FER1L6: variants seen among roughly 807,000 people sequenced by gnomAD.
The protein encoded by FER1L6 is fer-1-like protein 6.
Under a neutral mutation model 219.2 loss-of-function variants are expected in FER1L6, and 177 were observed. The ratio of observed to expected loss-of-function variants is 0.81; its 90% confidence interval spans 0.71 to 0.91. The LOEUF (loss-of-function observed/expected upper bound fraction) is 0.91. FER1L6 is among the 40% of genes least tolerant of loss of function. The probability of loss-of-function intolerance (pLI) is 0.00; values close to 1 mark genes in which losing one functional copy is unlikely to be tolerated. For synonymous variants in FER1L6, 768 were observed against 824.3 expected (o/e 0.93, Z 1.17); for missense variants, 2,153 against 2,259.9 (o/e 0.95, Z 0.96).
chr8:123,972,675 AG>A (rs1341080147), intron 6 of FER1L6, among the ~76,000 whole-genome samples: 4 of 152,196 alleles, frequency 2.6e-5, no homozygotes, highest in African/African-American at 9.7e-5. Context: ...GGAACCATAG[AG>A]GGGGACTTGC....
chr8:124,023,813 A>G (rs754112688), intron 18 of FER1L6, among the ~76,000 whole-genome samples: 13 of 151,946 alleles, frequency 8.6e-5, no homozygotes, highest in Non-Finnish European at 1.8e-4. Context: ...ACATCACCAG[A>G]CACACATAAG....
intron 1 of FER1L6, among the ~76,000 whole-genome samples, chr8:123,898,382 G>A (rs1265163501): frequency 7.9e-5 from 12 of 151,716 alleles, no homozygotes; most frequent in Admixed American, 2.0e-4. Context: ...TGGTGCATCC[G>A]TCACCCAAGC....
chr8:124,053,137 C>G (rs1012707780), intron 22 of FER1L6, among the ~76,000 whole-genome samples: 1 of 152,166 alleles, frequency 6.6e-6, no homozygotes, highest in African/African-American at 2.4e-5. Context: ...AATAAGTGCT[C>G]TGGGTCTGAG....
At chr8:123,856,933 G>A (rs1232984352) in intron 1 of FER1L6, among the ~76,000 whole-genome samples, 1 of 152,084 alleles carries the variant, frequency 6.6e-6, no homozygotes, top group Non-Finnish European at 1.5e-5. Context: ...GCTGATGTTG[G>A]TAACTGCTCA....
At chr8:124,074,272 T>C (rs1821189895) in intron 31 of FER1L6, among the ~76,000 whole-genome samples, 1 of 152,210 alleles carries the variant, frequency 6.6e-6, no homozygotes, top group Non-Finnish European at 1.5e-5. Context: ...CAGAGACCAT[T>C]AGTTCTGGGA....
At chr8:123,909,949 T>TA (rs1427739840) in intron 1 of FER1L6, among the ~76,000 whole-genome samples, 2 of 152,144 alleles carry the variant, frequency 1.3e-5, no homozygotes, top group Non-Finnish European at 2.9e-5. Flanking sequence ...TATGGAGTCA[T>TA]AAAAAATTAT....
chr8:124,119,578 T>C (rs77896762), intron 40 of FER1L6, 29 bp from the exon 41 acceptor site: 30 of 1,483,844 alleles, frequency 2.0e-5, no homozygotes, highest in Non-Finnish European at 2.3e-5. Flanking sequence ...GGATGCCCCC[T>C]TTTTGATTTT....
chr8:123,975,782 C>A, intron 8 of FER1L6, 116 bp from the exon 9 acceptor site: 1 of 817,538 alleles, frequency 1.2e-6, no homozygotes. Context: ...GAATCTTACT[C>A]TTTTCAGATT....
At chr8:123,973,355 A>G (rs1815907919) in intron 6 of FER1L6, 79 bp from the exon 7 acceptor site, 3 of 1,159,686 alleles carry the variant, frequency 2.6e-6, no homozygotes, top group Non-Finnish European at 1.3e-6. Flanking sequence ...TGCTCCAGAC[A>G]GGGTCAAAGC....
At chr8:124,104,973 T>A (rs1314864917) in intron 39 of FER1L6, among the ~76,000 whole-genome samples, 1 of 152,136 alleles carries the variant, frequency 6.6e-6, no homozygotes, top group East Asian at 1.9e-4. Context: ...AGTTCAGACA[T>A]GCAGACATAT....
At chr8:123,891,707 T>C (rs924826551) in intron 1 of FER1L6, among the ~76,000 whole-genome samples, 2 of 152,170 alleles carry the variant, frequency 1.3e-5, no homozygotes, top group Admixed American at 1.3e-4. Context: ...GGGCTTTGAC[T>C]CCCAGGTATG....
At chr8:123,968,161 C>G (rs909656081) in intron 5 of FER1L6, among the ~76,000 whole-genome samples, 8 of 152,050 alleles carry the variant, frequency 5.3e-5, no homozygotes, top group Non-Finnish European at 7.3e-5. Flanking sequence ...GCTCTACCCC[C>G]AGAAGAGCTT....
At chr8:123,936,223 C>G (rs1403030946) in intron 1 of FER1L6, among the ~76,000 whole-genome samples, 2 of 152,102 alleles carry the variant, frequency 1.3e-5, no homozygotes, top group African/African-American at 4.8e-5. Context: ...AACCCCCCAA[C>G]CCATTGTTTC....
At chr8:124,021,467 A>T in intron 16 of FER1L6, 83 bp from the exon 17 acceptor site, 1 of 1,572,926 alleles carries the variant, frequency 6.4e-7, no homozygotes, top group East Asian at 2.3e-5. Flanking sequence ...GCTCACCAGG[A>T]CCTTCAGGTC....
At chr8:124,017,571 A>G (rs1818254681) in intron 15 of FER1L6, 57 bp from the exon 16 acceptor site, 1 of 1,336,078 alleles carries the variant, frequency 7.5e-7, no homozygotes, top group African/African-American at 1.5e-5. Flanking sequence ...AACCTCTGGA[A>G]TTATATAAAT....
intron 5 of FER1L6, 97 bp downstream of exon 5, chr8:123,966,387 G>C (rs1209075669): frequency 6.7e-7 from 1 of 1,491,096 alleles, no homozygotes; most frequent in Non-Finnish European, 9.1e-7. Flanking sequence ...TGCCCCTCCT[G>C]CCTCCCTCCC....
intron 32 of FER1L6, among the ~76,000 whole-genome samples, chr8:124,080,897 C>T (rs1270571904): frequency 6.6e-6 from 1 of 152,180 alleles, no homozygotes; most frequent in Non-Finnish European, 1.5e-5. Context: ...AGATGGAAGA[C>T]ATATGGATTT....
intron 31 of FER1L6, among the ~76,000 whole-genome samples, chr8:124,074,333 A>T (rs1821192306): frequency 6.6e-6 from 1 of 152,020 alleles, no homozygotes; most frequent in South Asian, 2.1e-4. Context: ...CAGAGAGATG[A>T]CATGATTTGC....
At chr8:123,950,484 G>C (rs1382843661) in intron 1 of FER1L6, among the ~76,000 whole-genome samples, 1 of 152,216 alleles carries the variant, frequency 6.6e-6, no homozygotes, top group Non-Finnish European at 1.5e-5. Flanking sequence ...AGGGCTATGA[G>C]AGGCTGGCTT....
Sources: allele counts gnomAD v4.1 joint callset (sites outside exome capture counted in the v4.1 genomes callset), GRCh38; gene constraint gnomAD v4.1.1; transcripts MANE v1.5; gene names NCBI Gene and HGNC (gene_info 2026-07-23, HGNC 2026-07-21).